Variants in RIN3 observed in about 807,000 individuals in gnomAD.
RIN3 encodes the protein Ras and Rab interactor 3.
RIN3 carries 54 observed loss-of-function variants against 76.3 expected under a neutral mutation model. The ratio of observed to expected loss-of-function variants is 0.71; its 90% CI spans 0.57 to 0.89. The LOEUF (loss-of-function observed/expected upper bound fraction) is 0.89, where lower values mean the gene tolerates loss of function less well. Among genes scored for constraint, RIN3 ranks in the 40% least tolerant of loss-of-function variants. The probability of loss-of-function intolerance (pLI) is 0.00; values close to 1 mark genes in which losing one functional copy is unlikely to be tolerated. For missense variants in RIN3, 1,256 were observed against 1,322.1 expected, an observed-to-expected ratio of 0.95 and a Z score of 0.78; for synonymous variants, 576 against 564.0, an observed-to-expected ratio of 1.02 and a Z score of -0.30.
At chr14:92,524,761 G>C (rs963132679) in intron 1 of RIN3, among the ~76,000 whole-genome samples, 1 of 152,204 alleles carries the variant, frequency 6.6e-6, no homozygotes, top group African/African-American at 2.4e-5. Context: ...GTGGCTCAGA[G>C]AGGGGAAGTG....
At chr14:92,550,432 G>A (rs1251570815) in intron 1 of RIN3, among the ~76,000 whole-genome samples, 1 of 151,676 alleles carries the variant, frequency 6.6e-6, no homozygotes, top group African/African-American at 2.4e-5. Flanking sequence ...CATTCATTTT[G>A]AGACAGGGTC....
At chr14:92,531,738 C>T (rs990498553) in intron 1 of RIN3, among the ~76,000 whole-genome samples, 1 of 152,162 alleles carries the variant, frequency 6.6e-6, no homozygotes, top group Non-Finnish European at 1.5e-5. Context: ...CTATCCTTGG[C>T]CTGCACCCTC....
rs181931300 is a variant in RIN3 at position 92,568,710 on chromosome 14, C to T, written c.250-8650C>T. Among the ~76,000 whole-genome samples the T allele has an allele frequency of 3.9e-5, 6 of 152,246 alleles. No homozygotes were observed. Among genetic ancestry groups the T allele is most frequent in the African/African-American group, 1.4e-4 (6 of 41,464 alleles). On this transcript the variant is annotated intron_variant, in intron 2 of 9. Coordinates refer to ENST00000216487, the MANE Select transcript of RIN3 (RefSeq NM_024832.5). The surrounding 1 kb of genome is among the most constrained non-coding windows in gnomAD (Gnocchi z 4.2). Reference sequence around the variant, plus strand: ...AGTCCGTCCCTGCCCCACTCTCCATCGTGAACTCACAGCCTCCAGCCTCCT... The same window carrying T: ...AGTCCGTCCCTGCCCCACTCTCCATTGTGAACTCACAGCCTCCAGCCTCCT...
At chr14:92,651,494 C>A (rs1398930214) in intron 5 of RIN3, 88 bp from the exon 6 acceptor site, 6 of 598,618 alleles carry the variant, frequency 1.0e-5, no homozygotes, top group Non-Finnish European at 1.7e-5. Context: ...CCCTCCCACC[C>A]GTGGACCCCG....
intron 2 of RIN3, among the ~76,000 whole-genome samples, chr14:92,562,320 T>C (rs747081794): frequency 4.0e-5 from 6 of 151,888 alleles, no homozygotes; most frequent in Non-Finnish European, 8.8e-5. Context: ...GTTCTTAGGG[T>C]TTCTGTACTT....
At chr14:92,618,505 T>G (rs1886054691) in intron 4 of RIN3, among the ~76,000 whole-genome samples, 1 of 152,230 alleles carries the variant, frequency 6.6e-6, no homozygotes, top group Non-Finnish European at 1.5e-5. Context: ...AGGACAGTCT[T>G]TCTCTGATGT....
At chr14:92,577,728 A>C (rs888138822) in intron 3 of RIN3, among the ~76,000 whole-genome samples, 2 of 152,204 alleles carry the variant, frequency 1.3e-5, no homozygotes, top group Non-Finnish European at 2.9e-5. Flanking sequence ...GCCACATTGA[A>C]GTTTCTTCTT....
chr14:92,554,370 G>A (rs1315031109), intron 1 of RIN3, among the ~76,000 whole-genome samples: 1 of 152,148 alleles, frequency 6.6e-6, no homozygotes, highest in Non-Finnish European at 1.5e-5. Flanking sequence ...TCCCAGCGAA[G>A]CCCTCAGTTT....
chr14:92,664,431 G>A (rs1415540282), intron 7 of RIN3, among the ~76,000 whole-genome samples: 15 of 136,536 alleles, frequency 1.1e-4, no homozygotes, highest in African/African-American at 3.2e-4. Context: ...GCAGTGGCGC[G>A]ATCTCGGCTC....
chr14:92,535,414 GCCTCCA>G (rs1896973632), intron 1 of RIN3, among the ~76,000 whole-genome samples: 1 of 146,128 alleles, frequency 6.8e-6, no homozygotes. Context: ...GCTCACTGCA[GCCTCCA>G]CCTCCCGGGC....
intron 1 of RIN3, among the ~76,000 whole-genome samples, chr14:92,529,786 C>G (rs928502663): frequency 6.6e-6 from 1 of 152,108 alleles, no homozygotes; most frequent in East Asian, 1.9e-4. Flanking sequence ...AGGGCTGCCT[C>G]GTGTTCCTAA....
chr14:92,561,739 C>T (rs1299221535), intron 2 of RIN3, among the ~76,000 whole-genome samples: 1 of 152,190 alleles, frequency 6.6e-6, no homozygotes, highest in Non-Finnish European at 1.5e-5. Context: ...ATCTGGAGTG[C>T]AGTGGCGCGA....
chr14:92,671,385 T>C (rs1282103149), intron 7 of RIN3, among the ~76,000 whole-genome samples: 1 of 152,032 alleles, frequency 6.6e-6, no homozygotes, highest in East Asian at 1.9e-4. Context: ...GTTCAGGGAA[T>C]GGGCCGTGGT....
At chr14:92,650,517 G>C (rs902071104) in intron 5 of RIN3, among the ~76,000 whole-genome samples, 1 of 152,216 alleles carries the variant, frequency 6.6e-6, no homozygotes, top group South Asian at 2.1e-4. Context: ...CAGGAGTGAA[G>C]AGCCCTGGGT....
chr14:92,615,222 T>A (rs1885909149), intron 3 of RIN3, among the ~76,000 whole-genome samples, 185 bp from the exon 4 acceptor site: 1 of 152,072 alleles, frequency 6.6e-6, no homozygotes, highest in African/African-American at 2.4e-5. Context: ...TGACAAGGAA[T>A]TCCATTTCTC....
At chr14:92,655,010 C>G (rs913846703) in intron 6 of RIN3, among the ~76,000 whole-genome samples, 3 of 151,838 alleles carry the variant, frequency 2.0e-5, no homozygotes, top group Admixed American at 6.6e-5. Context: ...ACTAAAAATA[C>G]AAAAATTAGC....
chr14:92,625,474 T>C (rs965647914), intron 4 of RIN3, among the ~76,000 whole-genome samples: 3 of 152,184 alleles, frequency 2.0e-5, no homozygotes, highest in African/African-American at 7.2e-5. Flanking sequence ...AGTAATACTT[T>C]AACCACATTA....
chr14:92,632,272 G>A (rs72699846), intron 4 of RIN3, among the ~76,000 whole-genome samples: 19,873 of 151,400 alleles, frequency 0.13, 1,576 homozygotes, highest in Non-Finnish European at 0.18. Flanking sequence ...AGCCATCAGG[G>A]TGGGTGGGGT....
intron 1 of RIN3, among the ~76,000 whole-genome samples, chr14:92,521,899 G>A (rs906028036): frequency 1.3e-5 from 2 of 152,334 alleles, no homozygotes; most frequent in African/African-American, 4.8e-5. Context: ...GCTGGCATGT[G>A]AATTGGATCT....
Sources: gnomAD v4.1 joint callset for allele counts (sites outside exome capture counted in the v4.1 genomes callset) on GRCh38, gnomAD v4.1.1 for gene constraint, Gnocchi (gnomAD v3.1) non-coding constraint, MANE v1.5 for transcripts, NCBI Gene and HGNC (gene_info 2026-07-23, HGNC 2026-07-21) for gene names.